The following EZH2 variants were observed in gnomAD, a reference collection of about 807,000 sequenced individuals.
The protein encoded by EZH2 is enhancer of zeste 2 polycomb repressive complex 2 subunit.
EZH2 carries 18 observed loss-of-function variants against 98.4 expected under a neutral mutation model. The ratio of observed to expected loss-of-function variants is 0.18; its 90% CI spans 0.13 to 0.27. The LOEUF (loss-of-function observed/expected upper bound fraction) is 0.27. EZH2 is among the 10% of genes least tolerant of loss of function. The pLI is 1.00. For synonymous variants in EZH2, 338 were observed against 312.3 expected (o/e 1.08, Z -0.87); for missense variants, 470 against 935.1 (o/e 0.50, Z 6.49).
intron 1 of EZH2, among the ~76,000 whole-genome samples, chr7:148,868,067 T>C (rs1227731251): frequency 2.0e-5 from 3 of 152,216 alleles, no homozygotes; most frequent in Non-Finnish European, 2.9e-5. Context: ...AACAAGTCTC[T>C]AGGAAGTTCC....
At chr7:148,822,988 T>C (rs893495256) in intron 8 of EZH2, among the ~76,000 whole-genome samples, 9 of 152,016 alleles carry the variant, frequency 5.9e-5, no homozygotes, top group Admixed American at 5.9e-4. Context: ...CTTCAACATA[T>C]AGGAAGATCC....
chr7:148,837,397 G>C (rs1051667637), intron 3 of EZH2, among the ~76,000 whole-genome samples: 3 of 152,194 alleles, frequency 2.0e-5, no homozygotes, highest in Admixed American at 1.3e-4. Flanking sequence ...AGAGTCAGAA[G>C]AAAGCATCAG....
At chr7:148,829,876 C>T in intron 4 of EZH2, 28 bp from the exon 5 acceptor site, 1 of 1,495,702 alleles carries the variant, frequency 6.7e-7, no homozygotes, top group South Asian at 1.2e-5. Context: ...ATTTAAAAAG[C>T]AGGTTTACTC....
At chr7:148,874,903 A>C (rs960300007) in intron 1 of EZH2, among the ~76,000 whole-genome samples, 5 of 151,958 alleles carry the variant, frequency 3.3e-5, no homozygotes, top group Admixed American at 2.6e-4. Context: ...TCTCAAAAAA[A>C]AAAAAAAAAA....
At chr7:148,810,585 C>G (rs1340723556) in intron 16 of EZH2, among the ~76,000 whole-genome samples, 171 bp from the exon 17 acceptor site, 2 of 152,188 alleles carry the variant, frequency 1.3e-5, no homozygotes, top group Non-Finnish European at 2.9e-5. Flanking sequence ...TAAAGAATAA[C>G]TGTATACTAA....
At chr7:148,867,378 G>A (rs564335154) in intron 1 of EZH2, among the ~76,000 whole-genome samples, 100 of 152,116 alleles carry the variant, frequency 6.6e-4, no homozygotes, top group Admixed American at 2.7e-3. Flanking sequence ...CAGATATTCC[G>A]TTATACCAGC....
intron 1 of EZH2, among the ~76,000 whole-genome samples, chr7:148,871,877 T>C (rs931037518): frequency 6.6e-5 from 10 of 152,148 alleles, no homozygotes; most frequent in African/African-American, 1.9e-4. Flanking sequence ...CCCAGCCGAA[T>C]AGTATATTTT....
chr7:148,862,336 A>T (rs1391835671), intron 1 of EZH2, among the ~76,000 whole-genome samples: 1 of 152,236 alleles, frequency 6.6e-6, no homozygotes, highest in East Asian at 1.9e-4. Context: ...AGAAGTTGGC[A>T]TATTTCAAAA....
intron 1 of EZH2, among the ~76,000 whole-genome samples, chr7:148,849,033 TG>T (rs1267255195): frequency 1.3e-5 from 2 of 152,210 alleles, no homozygotes; most frequent in Non-Finnish European, 2.9e-5. Flanking sequence ...TGTAAATAGT[TG>T]TTATACTGTA....
chr7:148,883,407 C>G (rs1374604737), intron 1 of EZH2: 2 of 152,430 alleles, frequency 1.3e-5, no homozygotes, highest in Non-Finnish European at 2.9e-5. Context: ...GACCAGGCGG[C>G]GAGGGCAGCC....
At chr7:148,880,917 A>C (rs1820860300) in intron 1 of EZH2, among the ~76,000 whole-genome samples, 1 of 152,238 alleles carries the variant, frequency 6.6e-6, no homozygotes, top group African/African-American at 2.4e-5. Context: ...ATTACAATAC[A>C]ATTGAGTCAT....
intron 1 of EZH2, among the ~76,000 whole-genome samples, chr7:148,874,813 C>A (rs1680476989): frequency 6.6e-6 from 1 of 151,194 alleles, no homozygotes; most frequent in Non-Finnish European, 1.5e-5. Context: ...AGGAGAACAG[C>A]GTGAACCCAG....
intron 14 of EZH2, among the ~76,000 whole-genome samples, chr7:148,814,559 ACT>A (rs1412641511): frequency 7.2e-5 from 11 of 151,998 alleles, no homozygotes; most frequent in Non-Finnish European, 1.5e-4. Context: ...AACCCTCCTA[ACT>A]CTGACGATTT....
At chr7:148,815,078 G>A in intron 13 of EZH2, 39 bp from the exon 14 acceptor site, 2 of 1,604,744 alleles carry the variant, frequency 1.2e-6, no homozygotes, top group Non-Finnish European at 1.7e-6. Context: ...ATGAATCCAG[G>A]GAGATGGAAA....
intron 1 of EZH2, among the ~76,000 whole-genome samples, chr7:148,873,507 A>G (rs117575507): frequency 0.088 from 12,860 of 145,610 alleles, 959 homozygotes; most frequent in Non-Finnish European, 0.14. Context: ...AAAAAAAAAA[A>G]AAAGAAAGAT....
chr7:148,873,886 G>A (rs1011257785), intron 1 of EZH2, among the ~76,000 whole-genome samples: 1 of 152,008 alleles, frequency 6.6e-6, no homozygotes, highest in African/African-American at 2.4e-5. Context: ...TAATACACAT[G>A]TTATGGTACT....
At chr7:148,880,701 A>G (rs1203899706) in intron 1 of EZH2, among the ~76,000 whole-genome samples, 1 of 152,244 alleles carries the variant, frequency 6.6e-6, no homozygotes, top group Non-Finnish European at 1.5e-5. Flanking sequence ...CATGAATACT[A>G]ACATATCCTG....
At chr7:148,829,668 A>T in intron 5 of EZH2, 60 bp downstream of exon 5, 2 of 1,578,710 alleles carry the variant, frequency 1.3e-6, no homozygotes, top group Non-Finnish European at 1.7e-6. Flanking sequence ...ATGCTTCATA[A>T]ACAAAAGTGT....
intron 1 of EZH2, among the ~76,000 whole-genome samples, chr7:148,875,284 T>C (rs1820022366): frequency 6.6e-6 from 1 of 152,214 alleles, no homozygotes; most frequent in African/African-American, 2.4e-5. Flanking sequence ...GCTTCCCATA[T>C]TAAAGTTTTA....
Sources: allele counts gnomAD v4.1 joint callset (sites outside exome capture counted in the v4.1 genomes callset), GRCh38; gene constraint gnomAD v4.1.1; transcripts MANE v1.5; gene names NCBI Gene and HGNC (gene_info 2026-07-23, HGNC 2026-07-21).